Variants in SCN2A observed in about 807,000 individuals in gnomAD.
SCN2A encodes the protein sodium channel protein type 2 subunit alpha.
In SCN2A, 20 loss-of-function variants were observed where a neutral mutation model predicts 188.7. The ratio of observed to expected loss-of-function variants is 0.11; its 90% CI spans 0.07 to 0.15. The LOEUF (loss-of-function observed/expected upper bound fraction) is 0.15, where lower values mean the gene tolerates loss of function less well. Ranked by LOEUF, SCN2A falls within the 10% of genes least tolerant of loss-of-function variation. The pLI, the probability that SCN2A is intolerant of heterozygous loss-of-function variation, is 1.00. For synonymous variants in SCN2A, 804 were observed against 833.1 expected (o/e 0.97, Z 0.60); for missense variants, 1,278 against 2,445.0 (o/e 0.52, Z 10.07).
chr2:165,284,677 T>C (rs1242539146), intron 1 of SCN2A, among the ~76,000 whole-genome samples: 1 of 152,156 alleles, frequency 6.6e-6, no homozygotes, highest in Admixed American at 6.5e-5. Flanking sequence ...GCTGGAAATA[T>C]TCAGGTATAT....
intron 1 of SCN2A, chr2:165,273,990 G>T (rs988393024): frequency 8.5e-5 from 13 of 152,244 alleles, no homozygotes; most frequent in Middle Eastern, 3.4e-3. Flanking sequence ...GAAATCACAT[G>T]AATCTGACAT....
At chr2:165,381,270 A>G (rs1411268127) in intron 25 of SCN2A, 73 bp downstream of exon 25, 9 of 1,107,670 alleles carry the variant, frequency 8.1e-6, no homozygotes, top group South Asian at 5.6e-5. Flanking sequence ...ATTTCTAGAA[A>G]CTAGTTATTT....
At chr2:165,382,095 T>G (rs566841710) in intron 25 of SCN2A, among the ~76,000 whole-genome samples, 7 of 151,966 alleles carry the variant, frequency 4.6e-5, no homozygotes, top group African/African-American at 9.7e-5. Context: ...TAATACAATT[T>G]GAATGAATAG....
intron 7 of SCN2A, among the ~76,000 whole-genome samples, chr2:165,311,236 T>C (rs1027033683): frequency 1.3e-5 from 2 of 152,058 alleles, no homozygotes; most frequent in African/African-American, 4.8e-5. Flanking sequence ...TTTCTTAACA[T>C]TGAGCCCAGC....
chr2:165,367,319 A>C lies in SCN2A; in HGVS notation c.3623A>C (p.Asn1208Thr), dbSNP rs781032326. ...RKTCYKIVEHNWFETFIVFMI... is the reference protein window; with the variant it reads ...RKTCYKIVEHTWFETFIVFMI... ...ACATGCTATAAGATAGTGGAGCACA[A>C]TTGGTTCGAAACCTTCATTGTCTTC... is the stretch of plus-strand genomic sequence containing the variant. Residue 1208 changes from asparagine to threonine, a missense_variant, in exon 19 of 27, where the codon AAT becomes ACT. Physicochemically the swap from Asn to Thr is moderately conservative, Grantham distance 65. Coordinates refer to ENST00000375437, the MANE Select transcript of SCN2A (RefSeq NM_001040142.2). 1 of 1,614,204 alleles carries C rather than the reference A, an allele frequency of 6.2e-7. No individual in the cohort carries two copies. The highest frequency in any genetic ancestry group is 1.1e-5 in the South Asian group (1 of 91,084).
At position 165,315,664 on chromosome 2, in the gene SCN2A, C is replaced by T. The variant is rs749504084; in HGVS notation, c.1577C>T (p.Ser526Leu). The T allele has an allele frequency of 3.7e-6, 6 of 1,613,918 alleles. No homozygotes were observed. Among genetic ancestry groups the T allele is most frequent in the Admixed American group, 1.7e-5 (1 of 59,988 alleles). Residue 526 changes from serine to leucine, a missense_variant, in exon 11 of 27, where the codon TCG becomes TTG. Ser to Leu is a moderately radical substitution (Grantham distance 145). Transcript: ENST00000375437. ...GAGAAAAATGACAGAGTCCGAAAAT[C>T]GGAATCTGAAGACAGCATAAGAAGA... ...EEEKNDRVRKSESEDSIRRKG... is the reference protein window; with the variant it reads ...EEEKNDRVRKLESEDSIRRKG...
chr2:165,361,380 T>C (rs1350391855), intron 17 of SCN2A, among the ~76,000 whole-genome samples: 1 of 152,072 alleles, frequency 6.6e-6, no homozygotes, highest in African/African-American at 2.4e-5. Flanking sequence ...AATATTTGAT[T>C]ACATATCTAG....
chr2:165,370,190 A>C lies in SCN2A; in HGVS notation c.3740A>C (p.Lys1247Thr). ...AAGACCATGTTAGAATATGCTGACA[A>C]GGTTTTCACTTACATATTCATTCTG... Reference protein sequence around the residue: ...TIKTMLEYADKVFTYIFILEM... With the variant: ...TIKTMLEYADTVFTYIFILEM... Residue 1247 changes from lysine to threonine, a missense_variant, in exon 20 of 27, where the codon AAG becomes ACG. Coordinates refer to ENST00000375437, the MANE Select transcript of SCN2A (RefSeq NM_001040142.2). The C allele has an allele frequency of 6.2e-7, 1 of 1,614,102 alleles. No individual in the cohort carries two copies. Among genetic ancestry groups the C allele is most frequent in the African/African-American group, 1.3e-5 (1 of 75,064 alleles).
rs187728892 is a variant in SCN2A, at chr2:165,389,737, T to C, written c.5931T>C (p.Ser1977=). The part of the protein sequence containing the change: ...PSTTSPPSYD[S]VTKPEKEKFE... ...CCACGTCTCCACCCTCGTATGATAG[T>C]GTGACCAAACCAGAAAAAGAAAAAT... The change falls in exon 27 of 27, where the codon AGT becomes AGC. Residue 1977 remains serine, a synonymous_variant. Transcript: ENST00000375437. The surrounding 1 kb of genome is among the most constrained non-coding windows in gnomAD (Gnocchi z 4.2). 1.0e-4 allele frequency: 162 copies of C among 1,613,772 alleles called. No homozygotes were observed. In the East Asian group the frequency reaches 3.5e-3, roughly 34 times the overall value.
At position 165,388,894 on chromosome 2, in the gene SCN2A, C is replaced by T. The variant is rs560341706; in HGVS notation, c.5088C>T (p.Asn1696=). ...AAGTTGGGATCGATGACATGTTCAACTTTGAGACCTTTGGCAACAGCATGA... is the reference window on the plus strand; with the variant it reads ...AAGTTGGGATCGATGACATGTTCAATTTTGAGACCTTTGGCAACAGCATGA... ...KREVGIDDMF[N]FETFGNSMIC... The change falls in exon 27 of 27, where the codon AAC becomes AAT. Residue 1696 remains asparagine (N), a synonymous_variant. Transcript: ENST00000375437. 6.2e-7 allele frequency: 1 copy of T among 1,614,082 alleles called. No homozygotes were observed. The highest frequency in any genetic ancestry group is 1.7e-5 in the Admixed American group (1 of 60,002).
Position 165,389,274 on chromosome 2 carries a change from A to C in SCN2A, c.5468A>C (p.Asp1823Ala), listed in dbSNP as rs138497939. 1.3e-4 allele frequency: 205 copies of C among 1,614,062 alleles called. 1 individual carries two copies. The East Asian group carries it at 1.4e-3, about 11-fold the overall frequency. ...IEFAKLSDFA[D>A]ALDPPLLIAK... is the part of the protein sequence containing the mutation. ...TTTGCCAAACTTTCTGATTTTGCAG[A>C]TGCCCTGGATCCTCCTCTTCTCATA... Residue 1823 changes from aspartate to alanine, a missense_variant, in exon 27 of 27, where the codon GAT becomes GCT. Physicochemically the swap from Asp to Ala is moderately radical, Grantham distance 126. Transcript: ENST00000375437. The surrounding 1 kb of genome is among the most constrained non-coding windows in gnomAD (Gnocchi z 4.2).
chr2:165,340,085 T>C (rs189993225), intron 14 of SCN2A, among the ~76,000 whole-genome samples: 11 of 152,196 alleles, frequency 7.2e-5, no homozygotes, highest in African/African-American at 2.6e-4. Context: ...CATAAATAAA[T>C]GTATGGAAAA....
intron 8 of SCN2A, among the ~76,000 whole-genome samples, chr2:165,312,412 A>G (rs1000243078): frequency 5.3e-5 from 8 of 152,162 alleles, no homozygotes; most frequent in African/African-American, 1.7e-4. Context: ...CATATTTTAT[A>G]TATACTAATG....
intron 11 of SCN2A, 104 bp from the exon 12 acceptor site, chr2:165,323,052 G>A (rs1273767572): frequency 1.8e-6 from 2 of 1,116,424 alleles, no homozygotes; most frequent in Non-Finnish European, 2.6e-6. Context: ...ACTTATCCTT[G>A]AGTAAGTCAA....
intron 18 of SCN2A, among the ~76,000 whole-genome samples, 177 bp downstream of exon 18, chr2:165,365,440 T>TG (rs1380008359): frequency 8.8e-5 from 1 of 11,396 alleles, no homozygotes; most frequent in Non-Finnish European, 1.9e-4. Context: ...CATTTATTTG[T>TG]TTTTTTTTGC....
intron 3 of SCN2A, 64 bp downstream of exon 3, chr2:165,297,199 A>G (rs565224254): frequency 4.2e-6 from 4 of 945,132 alleles, no homozygotes; most frequent in African/African-American, 3.2e-5. Context: ...TGAGCTACAC[A>G]TTTTCCAAAA....
intron 1 of SCN2A, chr2:165,241,184 T>C (rs1693607709): frequency 6.6e-6 from 1 of 152,082 alleles, no homozygotes; most frequent in African/African-American, 2.4e-5. Flanking sequence ...TTGGTTATAT[T>C]CTGTAAAATA....
At chr2:165,250,745 G>A (rs533935548) in intron 1 of SCN2A, among the ~76,000 whole-genome samples, 1 of 152,020 alleles carries the variant, frequency 6.6e-6, no homozygotes, top group South Asian at 2.1e-4. Context: ...CTATAGGAAA[G>A]GATAAAATGT....
chr2:165,267,946 G>T (rs143394063), intron 1 of SCN2A: 1 of 152,012 alleles, frequency 6.6e-6, no homozygotes, highest in East Asian at 1.9e-4. Context: ...AAGAACAAAA[G>T]ATAAGCGTTG....
Sources: allele counts gnomAD v4.1 joint callset (sites outside exome capture counted in the v4.1 genomes callset), GRCh38; gene constraint gnomAD v4.1.1; non-coding constraint Gnocchi (gnomAD v3.1); transcripts MANE v1.5; gene names NCBI Gene and HGNC (gene_info 2026-07-23, HGNC 2026-07-21).